DSCAM: variants seen among roughly 807,000 people sequenced by gnomAD.
DSCAM encodes cell adhesion molecule DSCAM.
Under a neutral mutation model 217.7 loss-of-function variants are expected in DSCAM, and 47 were observed. That is an observed-to-expected ratio of 0.22 (90% CI 0.17 to 0.28). The LOEUF is 0.28. Among genes scored for constraint, DSCAM ranks in the 10% least tolerant of loss-of-function variants. The pLI is 1.00. For missense variants in DSCAM, 2,080 were observed against 2,618.3 expected (o/e 0.79, Z 4.49); for synonymous variants, 1,056 against 1,015.3 (o/e 1.04, Z -0.76).
intron 4 of DSCAM, among the ~76,000 whole-genome samples, chr21:40,363,984 T>C (rs1333103474): frequency 1.3e-5 from 2 of 152,232 alleles, no homozygotes; most frequent in African/African-American, 4.8e-5. Context: ...TGAGATACCA[T>C]CTTACACCAG....
At chr21:40,326,038 T>C (rs960255348) in intron 8 of DSCAM, among the ~76,000 whole-genome samples, 13 of 152,152 alleles carry the variant, frequency 8.5e-5, no homozygotes, top group Non-Finnish European at 1.8e-4. Flanking sequence ...TACATGCATG[T>C]CTAAATAAGG....
intron 6 of DSCAM, 133 bp from the exon 7 acceptor site, chr21:40,339,548 T>TAA (rs1340240412): frequency 1.1e-6 from 1 of 901,798 alleles, no homozygotes; most frequent in African/African-American, 1.7e-5. Context: ...GTTTTCCTGA[T>TAA]AAAGCAAAAC....
chr21:40,522,004 A>T (rs1309507051), intron 3 of DSCAM, among the ~76,000 whole-genome samples: 1 of 152,226 alleles, frequency 6.6e-6, no homozygotes, highest in African/African-American at 2.4e-5. Flanking sequence ...TAAACTTTTT[A>T]AAAAATATAT....
intron 32 of DSCAM, among the ~76,000 whole-genome samples, chr21:40,020,166 A>G (rs1476581822): frequency 2.6e-5 from 4 of 152,138 alleles, no homozygotes; most frequent in Non-Finnish European, 4.4e-5. Context: ...ACAAGGTCTG[A>G]TGGCTTTATA....
chr21:40,619,870 T>C (rs994672991), intron 3 of DSCAM, among the ~76,000 whole-genome samples: 7 of 147,078 alleles, frequency 4.8e-5, no homozygotes, highest in African/African-American at 1.8e-4. Flanking sequence ...AACATATTAG[T>C]AATTAAGGTA....
chr21:40,077,129 T>C (rs865852041), intron 26 of DSCAM, among the ~76,000 whole-genome samples: 2 of 152,044 alleles, frequency 1.3e-5, no homozygotes, highest in Admixed American at 6.6e-5. Context: ...AAGAGAAAAG[T>C]TGTCGTCTGG....
intron 3 of DSCAM, among the ~76,000 whole-genome samples, chr21:40,602,998 T>C (rs1465089099): frequency 2.0e-5 from 3 of 152,112 alleles, no homozygotes; most frequent in Non-Finnish European, 4.4e-5. Flanking sequence ...AGTGATTTCA[T>C]TGCATCCCAC....
intron 18 of DSCAM, among the ~76,000 whole-genome samples, chr21:40,139,313 G>C (rs1400270240): frequency 6.6e-6 from 1 of 151,968 alleles, no homozygotes; most frequent in Non-Finnish European, 1.5e-5. Flanking sequence ...GCACAGTTTG[G>C]TTTTATACAT....
Position 40,144,719 on chromosome 21 carries a change from G to T in DSCAM, c.3031C>A (p.His1011Asn), listed in dbSNP as rs1328402038. The change falls in exon 17 of 33, where the codon CAT becomes AAT. Residue 1011 changes from histidine (H) to asparagine (N), a missense_variant. By Grantham distance (68) the His-to-Asn change is moderately conservative. Coordinates refer to ENST00000400454, the MANE Select transcript of DSCAM (RefSeq NM_001389.5). The surrounding 1 kb of genome is among the most constrained non-coding windows in gnomAD (Gnocchi z 4.8). ...IRVTWKAPKKHLQNGIIRGYQ... is the reference protein window; with the variant it reads ...IRVTWKAPKKNLQNGIIRGYQ... ...CCACGGATAATCCCATTTTGCAAAT[G>T]TTTCTTGGGAGCCTAAACAGGAGAG... 2.5e-6 allele frequency: 4 copies of T among 1,614,210 alleles called. No individual in the cohort carries two copies. The East Asian group carries it at 8.9e-5, about 36-fold the overall frequency.
At chr21:40,519,015 A>C (rs1232588621) in intron 3 of DSCAM, among the ~76,000 whole-genome samples, 1 of 152,160 alleles carries the variant, frequency 6.6e-6, no homozygotes, top group Non-Finnish European at 1.5e-5. Flanking sequence ...TAAATATACC[A>C]AGCATAAAAG....
chr21:40,766,295 C>T (rs1327132031), intron 1 of DSCAM, among the ~76,000 whole-genome samples: 3 of 151,946 alleles, frequency 2.0e-5, no homozygotes, highest in Non-Finnish European at 4.4e-5. Context: ...AAATATAAAA[C>T]AGAGCCTTTC....
At chr21:40,695,431 C>T (rs1435680995) in intron 2 of DSCAM, among the ~76,000 whole-genome samples, 2 of 152,162 alleles carry the variant, frequency 1.3e-5, no homozygotes, top group African/African-American at 4.8e-5. Context: ...CTGCCCTCAC[C>T]AGTACCAGGA....
In DSCAM at chr21:40,557,493, T is replaced by C. The variant is rs544652134; in HGVS notation, c.508+135317A>G. On this transcript the variant is annotated intron_variant, in intron 3 of 32. Coordinates refer to ENST00000400454, the MANE Select transcript of DSCAM (RefSeq NM_001389.5). ...CCTCAGCCTCCCAAGTAGCTGGGAC[T>C]ACAGGCGCCCAACACCGGGCCCGGC... Among the ~76,000 whole-genome samples the C allele has an allele frequency of 9.2e-5, 14 of 152,242 alleles. No individual in the cohort carries two copies. The South Asian group carries it at 1.5e-3, about 16-fold the overall frequency.
At chr21:40,177,659 T>C (rs1261303698) in intron 15 of DSCAM, among the ~76,000 whole-genome samples, 2 of 152,228 alleles carry the variant, frequency 1.3e-5, no homozygotes, top group Non-Finnish European at 2.9e-5. Context: ...AGGATGTTCA[T>C]TGTAGTGGTG....
At position 40,013,040 on chromosome 21, in the gene DSCAM, C is replaced by T; in HGVS notation, c.6033G>A (p.Leu2011=). ...TGTCCAGTCATGCTGTCTGTTATAC[C>T]AGGGTGTAAGATTTTGCGTAAGGAT... ...GNNPYAKSYT[L]V Residue 2011 remains leucine (L), a synonymous_variant, in exon 33 of 33, where the codon CTG becomes CTA. Transcript: ENST00000400454. 1 of 1,486,762 alleles carries T rather than the reference C, an allele frequency of 6.7e-7. No homozygotes were observed. The highest frequency in any genetic ancestry group is 9.0e-7 in the Non-Finnish European group (1 of 1,115,356). 92.1% of individuals were successfully genotyped at this position (1,486,762 alleles called of 1,614,324 possible).
intron 1 of DSCAM, among the ~76,000 whole-genome samples, chr21:40,736,373 A>C (rs1022771229): frequency 3.3e-5 from 5 of 151,872 alleles, no homozygotes; most frequent in Non-Finnish European, 5.9e-5. Context: ...TCTCTCTCCA[A>C]AAGTCAGGGG....
chr21:40,579,034 T>G (rs2076880931), intron 3 of DSCAM, among the ~76,000 whole-genome samples: 1 of 152,146 alleles, frequency 6.6e-6, no homozygotes, highest in Non-Finnish European at 1.5e-5. Flanking sequence ...CACAGAAAGA[T>G]GCACATTAGC....
intron 27 of DSCAM, among the ~76,000 whole-genome samples, chr21:40,073,134 C>T (rs372764492): frequency 1.6e-4 from 24 of 152,022 alleles, no homozygotes; most frequent in Admixed American, 1.6e-3. Context: ...GTGCTCTCAG[C>T]GAGAGGAAAT....
intron 23 of DSCAM, among the ~76,000 whole-genome samples, chr21:40,084,961 C>T (rs1010484383): frequency 2.0e-5 from 3 of 151,236 alleles, no homozygotes; most frequent in African/African-American, 7.3e-5. Context: ...ACACCTAAAT[C>T]CAAAGAAGCA....
Sources: allele counts gnomAD v4.1 joint callset (sites outside exome capture counted in the v4.1 genomes callset), GRCh38; gene constraint gnomAD v4.1.1; non-coding constraint Gnocchi (gnomAD v3.1); transcripts MANE v1.5; gene names NCBI Gene and HGNC (gene_info 2026-07-23, HGNC 2026-07-21).